Variants in PHTF2 observed in about 807,000 individuals in gnomAD.
PHTF2 encodes the protein protein PHTF2.
Under a neutral mutation model 101.2 loss-of-function variants are expected in PHTF2, and 60 were observed. That is an observed-to-expected ratio of 0.59 (90% confidence interval 0.48 to 0.73). The LOEUF (loss-of-function observed/expected upper bound fraction) is 0.73, where lower values mean the gene tolerates loss of function less well. PHTF2 is among the 30% of genes least tolerant of loss of function. The pLI is 0.00. For missense variants in PHTF2, 747 were observed against 908.7 expected (o/e 0.82, Z 2.29); for synonymous variants, 311 against 307.3 (o/e 1.01, Z -0.13).
chr7:77,858,269 A>G (rs1797339642), intron 3 of PHTF2, among the ~76,000 whole-genome samples: 2 of 152,218 alleles, frequency 1.3e-5, no homozygotes, highest in East Asian at 1.9e-4. Context: ...TTCCTCCTAC[A>G]CACTGTCTCC....
At chr7:77,940,619 A>G (rs1805566575) in exon 15 of PHTF2, 1 of 1,607,386 alleles carries the variant, frequency 6.2e-7, no homozygotes, top group Non-Finnish European at 8.5e-7. Context: ...AAGAAAGTAC[A>G]GAATATAAAA....
At chr7:77,890,337 T>C (rs1367379542) in intron 3 of PHTF2, among the ~76,000 whole-genome samples, 1 of 152,170 alleles carries the variant, frequency 6.6e-6, no homozygotes, top group East Asian at 1.9e-4. Context: ...ATGCCAAGGA[T>C]TGACATCCAT....
chr7:77,866,202 A>C (rs1358436458), intron 3 of PHTF2, among the ~76,000 whole-genome samples: 1 of 151,872 alleles, frequency 6.6e-6, no homozygotes, highest in Non-Finnish European at 1.5e-5. Flanking sequence ...AAAAAAAAAA[A>C]AATTATTAAA....
rs560959046 is a variant in PHTF2, at chr7:77,856,069, T to G, written c.147+1235T>G. ...ATTTGACCATCTTGCTCCAATAACC[T>G]AAATATGATTTCTTGAAAGTTTTTT... On this transcript the variant is annotated intron_variant, in intron 3 of 19. Coordinates refer to ENST00000416283, the Ensembl canonical transcript of PHTF2. Among the ~76,000 whole-genome samples, 3 of 152,340 alleles carry G rather than the reference T, an allele frequency of 2.0e-5. No individual in the cohort carries two copies. In the South Asian group the frequency reaches 6.2e-4, roughly 32 times the overall value.
chr7:77,811,969 T>C (rs1240670186), intron 1 of PHTF2, among the ~76,000 whole-genome samples: 1 of 152,218 alleles, frequency 6.6e-6, no homozygotes, highest in African/African-American at 2.4e-5. Context: ...AAAAAGTGAA[T>C]ATAGGCATAG....
chr7:77,876,439 T>G (rs1798949264), intron 3 of PHTF2, among the ~76,000 whole-genome samples: 1 of 152,228 alleles, frequency 6.6e-6, no homozygotes, highest in African/African-American at 2.4e-5. Context: ...TGACCAGTGT[T>G]GATTAATGTC....
exon 12 of PHTF2, chr7:77,929,310 G>C (rs972067970): frequency 6.3e-7 from 1 of 1,596,622 alleles, no homozygotes; most frequent in African/African-American, 1.3e-5. Flanking sequence ...AGAATATAGA[G>C]ATGACCCTTT....
intron 1 of PHTF2, among the ~76,000 whole-genome samples, chr7:77,827,730 C>G (rs1215366927): frequency 2.0e-5 from 3 of 152,008 alleles, no homozygotes; most frequent in African/African-American, 7.2e-5. Context: ...GTCTGCTCCT[C>G]CCAGGTTCAA....
intron 18 of PHTF2, 105 bp downstream of exon 17, chr7:77,951,817 C>T: frequency 1.7e-6 from 1 of 588,514 alleles, no homozygotes; most frequent in Non-Finnish European, 3.0e-6. Context: ...TCATGATTAT[C>T]CAAGTTGTTT....
At position 77,918,221 on chromosome 7, in the gene PHTF2, CT is replaced by C. The variant is rs539577753; in HGVS notation, c.777-2050del. On this transcript the variant is annotated intron_variant, in intron 9 of 19. Coordinates refer to ENST00000416283, the Ensembl canonical transcript of PHTF2. ...CTACCCTCACCCCCCTACCACCACC[CT>C]TTTTTTTAACCCTATAGAGTCTGGT... 4.2e-3 allele frequency among the ~76,000 whole-genome samples: 637 copies of C among 152,074 alleles called. 3 individuals carry two copies. Among genetic ancestry groups the C allele is most frequent in the Non-Finnish European group, 7.1e-3 (482 of 67,932 alleles).
At chr7:77,804,698 A>C (rs1792834810) in intron 1 of PHTF2, among the ~76,000 whole-genome samples, 1 of 152,150 alleles carries the variant, frequency 6.6e-6, no homozygotes, top group Non-Finnish European at 1.5e-5. Flanking sequence ...CCATATCTTT[A>C]ATTGCCATTC....
chr7:77,924,023 C>T (rs1803725156), intron 11 of PHTF2: 1 of 898,834 alleles, frequency 1.1e-6, no homozygotes, highest in Non-Finnish European at 1.3e-6. Context: ...TAAAATATGG[C>T]TATAAAATTC....
At chr7:77,824,354 A>G (rs1187308919) in intron 1 of PHTF2, among the ~76,000 whole-genome samples, 2 of 152,114 alleles carry the variant, frequency 1.3e-5, no homozygotes, top group Admixed American at 6.5e-5. Context: ...GAGTTTATAA[A>G]AAGAATTGAA....
chr7:77,942,521 A>G (rs1270993398), intron 15 of PHTF2, among the ~76,000 whole-genome samples, 179 bp from the exon 15 acceptor site: 1 of 152,224 alleles, frequency 6.6e-6, no homozygotes, highest in Non-Finnish European at 1.5e-5. Context: ...GCAATTCCTC[A>G]GGAAATCATA....
Position 77,945,616 on chromosome 7 carries a change from TTAAAAG to T in PHTF2, c.1959+2831_1959+2836del, listed in dbSNP as rs1229531622. 1.1e-4 allele frequency among the ~76,000 whole-genome samples: 16 copies of T among 152,108 alleles called. 1 individual carries two copies. Among genetic ancestry groups the T allele is most frequent in the South Asian group, 6.2e-4 (3 of 4,822 alleles). ...TAAAACCATACAAATAATACATTCT[TTAAAAG>T]AAAGAGCACACTATTAAACTGTAAA... On this transcript the variant is annotated intron_variant, in intron 16 of 19. Transcript: ENST00000416283.
chr7:77,888,639 A>G (rs1434578708), intron 3 of PHTF2, among the ~76,000 whole-genome samples: 1 of 152,230 alleles, frequency 6.6e-6, no homozygotes, highest in Non-Finnish European at 1.5e-5. Flanking sequence ...CATTAGACAA[A>G]TGTTACCACT....
Position 77,922,557 on chromosome 7 carries a change from A to C in PHTF2, c.964-66A>C, listed in dbSNP as rs1229208507. 3 of 1,339,994 alleles carry C rather than the reference A, an allele frequency of 2.2e-6. No homozygotes were observed. In the African/African-American group the frequency reaches 4.4e-5, roughly 20 times the overall value. 83.0% of individuals were successfully genotyped at this position (1,339,994 alleles called of 1,614,324 possible). A position where few individuals can be genotyped will look rare whatever the true frequency, so the allele number is the denominator to read the frequency against. On this transcript the variant is annotated intron_variant, in intron 10 of 19. Transcript: ENST00000416283. ...ATATGTATGTGTAATTTCAAATTTCATAGTTTAAAAGCTAAAAGGTTGGTT... is the reference window on the plus strand; with the variant it reads ...ATATGTATGTGTAATTTCAAATTTCCTAGTTTAAAAGCTAAAAGGTTGGTT...
intron 5 of PHTF2, among the ~76,000 whole-genome samples, chr7:77,896,586 T>C (rs558341638): frequency 6.6e-6 from 1 of 152,184 alleles, no homozygotes; most frequent in South Asian, 2.1e-4. Context: ...ATAATAAACT[T>C]ATCATCCTCC....
At chr7:77,882,246 T>G (rs192349061) in intron 3 of PHTF2, among the ~76,000 whole-genome samples, 2 of 152,286 alleles carry the variant, frequency 1.3e-5, no homozygotes, top group East Asian at 3.9e-4. Flanking sequence ...AGAATGTGTT[T>G]GGTGTTTTGA....
Sources: gnomAD v4.1 joint callset for allele counts (sites outside exome capture counted in the v4.1 genomes callset) on GRCh38, gnomAD v4.1.1 for gene constraint, MANE v1.5 for transcripts, NCBI Gene and HGNC (gene_info 2026-07-23, HGNC 2026-07-21) for gene names.